The following PPP1R13B variants were observed in gnomAD, a reference collection of about 807,000 sequenced individuals.
The protein encoded by PPP1R13B is protein phosphatase 1 regulatory subunit 13B.
In PPP1R13B, 44 loss-of-function variants were observed where a neutral mutation model predicts 119.8. The observed-to-expected ratio is 0.37, with a 90% confidence interval of 0.29 to 0.47. The LOEUF (loss-of-function observed/expected upper bound fraction) is 0.47, where lower values mean the gene tolerates loss of function less well. Ranked by LOEUF, PPP1R13B falls within the 20% of genes least tolerant of loss-of-function variation. The pLI is 0.99. For synonymous variants in PPP1R13B, 542 were observed against 561.5 expected (o/e 0.97, Z 0.49); for missense variants, 1,227 against 1,413.5 (o/e 0.87, Z 2.12).
upstream of PPP1R13B, chr14:103,847,638 G>A (rs1366177176): frequency 5.1e-6 from 5 of 983,926 alleles, no homozygotes; most frequent in South Asian, 4.5e-5. Flanking sequence ...GCGACGCCCC[G>A]CACGGGTCCC....
intron 5 of PPP1R13B, among the ~76,000 whole-genome samples, chr14:103,757,090 A>T (rs1324468071): frequency 7.1e-6 from 1 of 139,908 alleles, no homozygotes; most frequent in Non-Finnish European, 1.5e-5. Flanking sequence ...ACAGGGTCTC[A>T]CTTACTCTGT....
chr14:103,748,988 A>G (rs2084470020), intron 8 of PPP1R13B, among the ~76,000 whole-genome samples: 1 of 152,190 alleles, frequency 6.6e-6, no homozygotes, highest in South Asian at 2.1e-4. Context: ...AAAGACTGGA[A>G]CCATTAGCAA....
At chr14:103,771,069 C>A (rs2085056320) in intron 4 of PPP1R13B, among the ~76,000 whole-genome samples, 1 of 152,082 alleles carries the variant, frequency 6.6e-6, no homozygotes, top group Admixed American at 6.5e-5. Flanking sequence ...GAAATGAACC[C>A]CCCAACAGAA....
intron 4 of PPP1R13B, among the ~76,000 whole-genome samples, chr14:103,768,540 G>A (rs550154863): frequency 2.0e-5 from 3 of 151,018 alleles, no homozygotes; most frequent in Admixed American, 2.0e-4. Context: ...CTTGTGATCC[G>A]CCTGCCTCAG....
chr14:103,759,607 T>TA lies in PPP1R13B; in HGVS notation c.355-1857dup, dbSNP rs1333269909. On this transcript the variant is annotated intron_variant, in intron 4 of 16. Transcript: ENST00000202556. Reference sequence around the variant, plus strand: ...AGGTGTAAGCCACTGTGCCCAGACTTAAACACTTTTTGACTAGAGTAAAAC... The same window carrying TA: ...AGGTGTAAGCCACTGTGCCCAGACTTAAAACACTTTTTGACTAGAGTAAAAC... Among the ~76,000 whole-genome samples the TA allele has an allele frequency of 2.6e-5, 4 of 152,034 alleles. No homozygotes were observed. The East Asian group carries it at 5.8e-4, about 22-fold the overall frequency.
chr14:103,786,862 C>T (rs1316599976), intron 2 of PPP1R13B, among the ~76,000 whole-genome samples: 1 of 149,470 alleles, frequency 6.7e-6, no homozygotes, highest in African/African-American at 2.5e-5. Flanking sequence ...CTTGAGCCAA[C>T]ACACCTGGCT....
At position 103,796,724 on chromosome 14, in the gene PPP1R13B, T is replaced by C. The variant is rs188904190; in HGVS notation, c.157+647A>G. 1.4e-4 allele frequency among the ~76,000 whole-genome samples: 22 copies of C among 152,110 alleles called. No individual in the cohort carries two copies. The East Asian group carries it at 1.7e-3, about 12-fold the overall frequency. On this transcript the variant is annotated intron_variant, in intron 2 of 16. Coordinates refer to ENST00000202556, the MANE Select transcript of PPP1R13B (RefSeq NM_015316.3). ...GTAATCCAAGCACTTTGGGAGGCCA[T>C]GGTGGGTGGATTGCCTGAGCTCAGG...
At position 103,847,004 on chromosome 14, in the gene PPP1R13B, G is replaced by A. The variant is rs112438274; in HGVS notation, c.9+295C>T. The stretch of plus-strand genomic sequence containing the variant: ...GACCTGTGCCCCAGCGTCCGACCGC[G>A]CACCTGAGAGGACCGAGGAGATGAC... On this transcript the variant is annotated intron_variant, in intron 1 of 16. Transcript: ENST00000202556. The A allele has an allele frequency of 6.9e-3, 8,115 of 1,177,780 alleles. 479 individuals carry two copies. In the African/African-American group the frequency reaches 0.12, roughly 18 times the overall value. 73.0% of individuals were successfully genotyped at this position (1,177,780 alleles called of 1,614,324 possible).
intron 1 of PPP1R13B, among the ~76,000 whole-genome samples, chr14:103,838,504 G>C (rs1008567433): frequency 6.6e-6 from 1 of 152,158 alleles, no homozygotes; most frequent in Non-Finnish European, 1.5e-5. Flanking sequence ...AAAATAATCT[G>C]AAATTAGACA....
intron 2 of PPP1R13B, among the ~76,000 whole-genome samples, chr14:103,787,384 GT>G (rs1482525330): frequency 6.6e-6 from 1 of 151,950 alleles, no homozygotes; most frequent in African/African-American, 2.4e-5. Flanking sequence ...GGAGGTGGAG[GT>G]TGTGGACAGC....
chr14:103,758,399 G>C (rs971378043), intron 4 of PPP1R13B, among the ~76,000 whole-genome samples: 14 of 152,154 alleles, frequency 9.2e-5, no homozygotes, highest in African/African-American at 3.4e-4. Context: ...CCAATGAGGT[G>C]GGTACTGTTA....
chr14:103,736,657 C>T (rs941525774), intron 15 of PPP1R13B: 1 of 162,400 alleles, frequency 6.2e-6, no homozygotes. Context: ...TTCTGAGACC[C>T]AGTTGTGGTG....
chr14:103,847,456 T>C lies in PPP1R13B; in HGVS notation c.-149A>G, dbSNP rs1001150635. 3.9e-4 allele frequency: 385 copies of C among 998,032 alleles called. 1 individual carries two copies. The Middle Eastern group carries it at 5.6e-3, about 14-fold the overall frequency. The allele number at this position is 998,032 out of a possible 1,614,324, so 61.8% of individuals were successfully genotyped here. On this transcript the variant is annotated 5_prime_UTR_variant, in exon 1 of 17. Transcript: ENST00000202556. ...CGGCGAGGCGGCAGCTGCGGCGGGCTGCGGGGCTCTCGCTGGCCCTGTCGC... is the reference window on the plus strand; with the variant it reads ...CGGCGAGGCGGCAGCTGCGGCGGGCCGCGGGGCTCTCGCTGGCCCTGTCGC...
At chr14:103,831,312 CTTTT>C (rs1210325705) in intron 1 of PPP1R13B, among the ~76,000 whole-genome samples, 2 of 123,250 alleles carry the variant, frequency 1.6e-5, no homozygotes, top group South Asian at 5.2e-4. Flanking sequence ...CATTCTTTTA[CTTTT>C]TTTTTTTTTT....
Position 103,742,739 on chromosome 14 carries a change from T to A in PPP1R13B, c.1235A>T (p.Asp412Val). 6.2e-7 allele frequency: 1 copy of A among 1,614,124 alleles called. No homozygotes were observed. Among genetic ancestry groups the A allele is most frequent in the South Asian group, 1.1e-5 (1 of 91,084 alleles). ...CTTGACAGACCCCTCCACGCTCGGA[T>A]CCTTCCAGTCTGCACCGGCCACCTG... is the stretch of plus-strand genomic sequence containing the variant. ...PVQVAGADWK[D>V]PSVEGSVKQG... Residue 412 changes from aspartate (D) to valine (V), a missense_variant, in exon 10 of 17, where the codon GAT becomes GTT. By Grantham distance (152) the Asp-to-Val change is radical. Coordinates refer to ENST00000202556, the MANE Select transcript of PPP1R13B (RefSeq NM_015316.3). The surrounding 1 kb of genome is among the most constrained non-coding windows in gnomAD (Gnocchi z 4.9).
At chr14:103,832,108 TAAAAAAA>T (rs757832334) in intron 1 of PPP1R13B, among the ~76,000 whole-genome samples, 1 of 139,570 alleles carries the variant, frequency 7.2e-6, no homozygotes, top group Non-Finnish European at 1.6e-5. Context: ...CCCTATCTCT[TAAAAAAA>T]AAAAAAAAGT....
At position 103,753,883 on chromosome 14, in the gene PPP1R13B, C is replaced by T. The variant is rs190230343; in HGVS notation, c.631+187G>A. ...ACCTCAGCCTCTCAAGTAGCTGGGA[C>T]TACACAATTTTAAGATCACTTAACC... On this transcript the variant is annotated intron_variant, in intron 6 of 16. Coordinates refer to ENST00000202556, the MANE Select transcript of PPP1R13B (RefSeq NM_015316.3). 3.3e-3 allele frequency among the ~76,000 whole-genome samples: 501 copies of T among 152,260 alleles called. 2 individuals carry two copies. Among genetic ancestry groups the T allele is most frequent in the African/African-American group, 0.011 (473 of 41,544 alleles).
intron 11 of PPP1R13B, among the ~76,000 whole-genome samples, chr14:103,741,076 A>T (rs1178345848): frequency 6.6e-6 from 1 of 152,206 alleles, no homozygotes; most frequent in Non-Finnish European, 1.5e-5. Context: ...CCCACAAGGG[A>T]ACACTGCACC....
intron 1 of PPP1R13B, among the ~76,000 whole-genome samples, chr14:103,824,748 T>C (rs1214359412): frequency 6.6e-6 from 1 of 151,728 alleles, no homozygotes; most frequent in Non-Finnish European, 1.5e-5. Flanking sequence ...ACAGTGCCTA[T>C]GATCATGTGG....
Sources: gnomAD v4.1 joint callset for allele counts (sites outside exome capture counted in the v4.1 genomes callset) on GRCh38, gnomAD v4.1.1 for gene constraint, Gnocchi (gnomAD v3.1) non-coding constraint, MANE v1.5 for transcripts, NCBI Gene and HGNC (gene_info 2026-07-23, HGNC 2026-07-21) for gene names.